The following TENM3 variants were observed in gnomAD, a reference collection of about 807,000 sequenced individuals.
The protein encoded by TENM3 is teneurin-3.
Under a neutral mutation model 255.1 loss-of-function variants are expected in TENM3, and 63 were observed. The observed-to-expected ratio is 0.25, with a 90% CI of 0.20 to 0.30. TENM3 has a LOEUF of 0.30. Among genes scored for constraint, TENM3 ranks in the 10% least tolerant of loss-of-function variants. The pLI is 1.00. For missense variants in TENM3, 2,929 were observed against 3,461.1 expected, an observed-to-expected ratio of 0.85 and a Z score of 3.86; for synonymous variants, 1,306 against 1,322.3, an observed-to-expected ratio of 0.99 and a Z score of 0.27.
chr4:181,546,443 C>T, the TENM3 span, among the ~76,000 whole-genome samples: 3 of 150,360 alleles, frequency 2.0e-5, no homozygotes, highest in Non-Finnish European at 4.4e-5. Flanking sequence ...AGGCTGAGCG[C>T]GGTGGCTCAC....
intron 4 of TENM3, among the ~76,000 whole-genome samples, chr4:182,612,040 G>A (rs1749041809): frequency 6.6e-6 from 1 of 151,944 alleles, no homozygotes; most frequent in Non-Finnish European, 1.5e-5. Flanking sequence ...GGTCAAGGTG[G>A]GCAGATCACC....
At chr4:182,719,308 C>T (rs1759487670) in intron 13 of TENM3, among the ~76,000 whole-genome samples, 2 of 113,768 alleles carry the variant, frequency 1.8e-5, no homozygotes, top group Admixed American at 2.7e-4. Context: ...GTCTCCCAGG[C>T]TGCAGTGCAA....
At chr4:182,689,784 G>A (rs867423517) in intron 12 of TENM3, among the ~76,000 whole-genome samples, 14 of 152,196 alleles carry the variant, frequency 9.2e-5, no homozygotes, top group African/African-American at 1.7e-4. Flanking sequence ...GGCCGTATGC[G>A]GCCCAGGACA....
At chr4:182,295,116 C>CT (rs752099919) in intron 1 of TENM3, among the ~76,000 whole-genome samples, 7 of 152,050 alleles carry the variant, frequency 4.6e-5, no homozygotes, top group Non-Finnish European at 7.4e-5. Context: ...ATTTTACATG[C>CT]ATTCATTCCT....
the TENM3 span, among the ~76,000 whole-genome samples, chr4:181,715,932 C>T: frequency 2.6e-3 from 402 of 152,296 alleles, no homozygotes; most frequent in Non-Finnish European, 3.8e-3. Context: ...CTCCACTGTT[C>T]ATCAGTCACA....
At chr4:181,711,966 C>A in the TENM3 span, among the ~76,000 whole-genome samples, 1 of 152,158 alleles carries the variant, frequency 6.6e-6, no homozygotes, top group Non-Finnish European at 1.5e-5. Flanking sequence ...TTTCAGTGAT[C>A]CCCGTTATTT....
At chr4:182,528,914 C>T (rs2151828955) in intron 3 of TENM3, among the ~76,000 whole-genome samples, 1 of 152,364 alleles carries the variant, frequency 6.6e-6, no homozygotes, top group East Asian at 1.9e-4. Flanking sequence ...ACAGGTTGGA[C>T]AAGCTGGATT....
At chr4:181,986,009 C>T in the TENM3 span, among the ~76,000 whole-genome samples, 3 of 152,112 alleles carry the variant, frequency 2.0e-5, no homozygotes, top group African/African-American at 7.2e-5. Context: ...TTGCCAAAGT[C>T]GAAATCCACA....
chr4:182,232,797 C>T (rs1201073452), intron 1 of TENM3, among the ~76,000 whole-genome samples: 1 of 152,124 alleles, frequency 6.6e-6, no homozygotes, highest in Non-Finnish European at 1.5e-5. Flanking sequence ...AAACCCCATA[C>T]ACACCATGTG....
chr4:182,210,005 A>G (rs1027149816), intron 1 of TENM3, among the ~76,000 whole-genome samples: 1 of 151,658 alleles, frequency 6.6e-6, no homozygotes, highest in Non-Finnish European at 1.5e-5. Context: ...AGCATCCACA[A>G]CCTCCAGCCC....
At chr4:182,124,226 A>C in the TENM3 span, among the ~76,000 whole-genome samples, 1 of 151,806 alleles carries the variant, frequency 6.6e-6, no homozygotes, top group Admixed American at 6.6e-5. Flanking sequence ...TAATTTTTGT[A>C]TTTTTAGTAG....
chr4:182,080,675 G>A, the TENM3 span, among the ~76,000 whole-genome samples: 4 of 152,228 alleles, frequency 2.6e-5, no homozygotes, highest in Middle Eastern at 3.4e-3. Context: ...GGCCGCTCTC[G>A]TGTAATGACA....
chr4:182,465,669 A>G (rs1054831945), intron 3 of TENM3, among the ~76,000 whole-genome samples: 1 of 152,192 alleles, frequency 6.6e-6, no homozygotes, highest in African/African-American at 2.4e-5. Context: ...AGAGTCTTCA[A>G]TTCAATTTAA....
intron 3 of TENM3, among the ~76,000 whole-genome samples, chr4:182,465,576 G>A (rs949612793): frequency 2.6e-5 from 4 of 151,944 alleles, no homozygotes; most frequent in African/African-American, 9.7e-5. Context: ...TCTAAAATAT[G>A]GGGCAAATAA....
At chr4:181,748,424 A>G in the TENM3 span, among the ~76,000 whole-genome samples, 1 of 152,124 alleles carries the variant, frequency 6.6e-6, no homozygotes. Flanking sequence ...GGTCAATAAT[A>G]GAACATAGAA....
chr4:182,691,964 A>G (rs1757042607), intron 12 of TENM3, among the ~76,000 whole-genome samples: 1 of 151,568 alleles, frequency 6.6e-6, no homozygotes. Flanking sequence ...TCAAAGGATT[A>G]TACTCATGTG....
At chr4:181,918,873 G>A in the TENM3 span, among the ~76,000 whole-genome samples, 2 of 152,168 alleles carry the variant, frequency 1.3e-5, no homozygotes, top group East Asian at 1.9e-4. Context: ...GGCTTGCAAC[G>A]TAGTAAGAGT....
intron 1 of TENM3, among the ~76,000 whole-genome samples, chr4:182,199,381 C>T (rs1409301354): frequency 6.6e-6 from 1 of 152,070 alleles, no homozygotes; most frequent in East Asian, 1.9e-4. Context: ...AAGATCGCAC[C>T]ACTGCACTCC....
At chr4:181,739,671 G>A in the TENM3 span, among the ~76,000 whole-genome samples, 9 of 152,266 alleles carry the variant, frequency 5.9e-5, 1 homozygote, top group African/African-American at 2.2e-4. Context: ...AGCATCAAAA[G>A]CTACCTCAGT....
Sources: allele counts gnomAD v4.1 joint callset (sites outside exome capture counted in the v4.1 genomes callset), GRCh38; gene constraint gnomAD v4.1.1; transcripts MANE v1.5; gene names NCBI Gene and HGNC (gene_info 2026-07-23, HGNC 2026-07-21).